Variants in PRKX observed in about 807,000 individuals in gnomAD.
PRKX encodes protein kinase cAMP-dependent X-linked catalytic subunit.
PRKX carries 12 observed loss-of-function variants against 22.0 expected under a neutral mutation model. The observed-to-expected ratio is 0.54, with a 90% CI of 0.35 to 0.88. The LOEUF (loss-of-function observed/expected upper bound fraction) is 0.88. Among genes scored for constraint, PRKX ranks in the 40% least tolerant of loss-of-function variants. The probability of loss-of-function intolerance (pLI) is 0.01; values close to 1 mark genes in which losing one functional copy is unlikely to be tolerated. For missense variants in PRKX, 217 were observed against 308.0 expected (o/e 0.70, Z 2.21); for synonymous variants, 134 against 137.7 (o/e 0.97, Z 0.19).
rs769648452 is a variant in PRKX, at chrX:3,650,317, C to T, written c.599+4832G>A. Reference sequence around the variant, plus strand: ...CGGGCGGATCACGAGGTCAGGAGATCGAGACCATCCTGGCTAACACAGTGA... The same window carrying T: ...CGGGCGGATCACGAGGTCAGGAGATTGAGACCATCCTGGCTAACACAGTGA... On this transcript the variant is annotated intron_variant, in intron 3 of 8. Coordinates refer to ENST00000262848, the MANE Select transcript of PRKX (RefSeq NM_005044.5). Among the ~76,000 whole-genome samples the T allele has an allele frequency of 3.5e-4, 35 of 101,217 alleles. No individual in the cohort carries two copies. The East Asian group carries it at 7.8e-3, about 23-fold the overall frequency. The allele number at this position is 101,217 out of a possible 115,157, so 87.9% of individuals were successfully genotyped here.
chrX:3,656,439 T>C (rs1927482325), intron 2 of PRKX, among the ~76,000 whole-genome samples: 1 of 111,770 alleles, frequency 8.9e-6, no homozygotes, highest in Non-Finnish European at 1.9e-5. Flanking sequence ...GATATGGGTA[T>C]AGACGTGTAG....
chrX:3,635,658 G>T (rs2146568600), intron 4 of PRKX, among the ~76,000 whole-genome samples: 1 of 111,350 alleles, frequency 9.0e-6, no homozygotes, highest in Non-Finnish European at 1.9e-5. Context: ...TGCAATCTCA[G>T]CTCACTGCAG....
chrX:3,684,341 C>G (rs1928133479), intron 1 of PRKX, among the ~76,000 whole-genome samples: 1 of 111,840 alleles, frequency 8.9e-6, no homozygotes, highest in Non-Finnish European at 1.9e-5. Context: ...CTTTCTGGGT[C>G]TCAATCTTTC....
chrX:3,688,432 C>T (rs758787376), intron 1 of PRKX, among the ~76,000 whole-genome samples: 2 of 102,991 alleles, frequency 1.9e-5, no homozygotes, highest in African/African-American at 6.9e-5. Context: ...GGCGACAGAG[C>T]GAGACTCTGT....
intron 7 of PRKX, among the ~76,000 whole-genome samples, chrX:3,614,369 A>C (rs1397639331): frequency 9.0e-6 from 1 of 111,692 alleles, no homozygotes; most frequent in East Asian, 2.8e-4. Context: ...GGCGTCTGTA[A>C]TCCCAGCTAC....
At chrX:3,658,684 A>G (rs111508184) in intron 2 of PRKX, among the ~76,000 whole-genome samples, 1 of 111,058 alleles carries the variant, frequency 9.0e-6, no homozygotes, top group African/African-American at 3.3e-5. Context: ...CAATAGAATC[A>G]GGAGCATAAA....
chrX:3,692,308 C>G (rs1034526292), intron 1 of PRKX, among the ~76,000 whole-genome samples: 1 of 110,370 alleles, frequency 9.1e-6, no homozygotes, highest in Non-Finnish European at 1.9e-5. Context: ...GCATCCACCC[C>G]CAGTAGTGAC....
At chrX:3,679,039 G>A (rs1395077383) in intron 1 of PRKX, among the ~76,000 whole-genome samples, 1 of 111,741 alleles carries the variant, frequency 8.9e-6, no homozygotes, top group Non-Finnish European at 1.9e-5. Context: ...TTATGCACGA[G>A]GGAAATCAGA....
At chrX:3,645,470 G>A (rs1252213490) in intron 3 of PRKX, among the ~76,000 whole-genome samples, 1 of 112,133 alleles carries the variant, frequency 8.9e-6, no homozygotes, top group Non-Finnish European at 1.9e-5. Flanking sequence ...CACGATCTTT[G>A]TAGCTGCAAT....
Position 3,713,618 on chromosome X carries a change from G to C in PRKX, c.-365C>G, listed in dbSNP as rs1486876958. 8.1e-6 allele frequency: 1 copy of C among 123,824 alleles called. No homozygotes were observed. The highest frequency in any genetic ancestry group is 3.2e-5 in the African/African-American group (1 of 31,446). 10.2% of individuals were successfully genotyped at this position (123,824 alleles called of 1,213,427 possible). ...CCGCCTCCTCCAGCTCGGTAGCCGC[G>C]TGCGCGCTGTTGGGGCGGGCGGAAG... On this transcript the variant is annotated 5_prime_UTR_variant, in exon 1 of 9. Coordinates refer to ENST00000262848, the MANE Select transcript of PRKX (RefSeq NM_005044.5).
At chrX:3,632,845 T>C (rs1354751973) in intron 4 of PRKX, among the ~76,000 whole-genome samples, 1 of 112,431 alleles carries the variant, frequency 8.9e-6, no homozygotes, top group African/African-American at 3.2e-5. Flanking sequence ...GCAAGTTAAA[T>C]TGATCTGTGG....
intron 1 of PRKX, among the ~76,000 whole-genome samples, chrX:3,676,217 A>C (rs1927951411): frequency 8.9e-6 from 1 of 111,964 alleles, no homozygotes; most frequent in South Asian, 3.7e-4. Context: ...ATGTGATCAC[A>C]CCCACCCCAA....
chrX:3,713,220 C>T lies in PRKX; in HGVS notation c.34G>A (p.Ala12Thr), dbSNP rs1188904999. ...GCCACCTTGCGGGAGTCGCTCTCCGCCGCGGCCGCCTGGGCCAGCCCGGGC... is the reference window on the plus strand; with the variant it reads ...GCCACCTTGCGGGAGTCGCTCTCCGTCGCGGCCGCCTGGGCCAGCCCGGGC... ...EAPGLAQAAA[A>T]ESDSRKVAEE... The change falls in exon 1 of 9, where the codon GCG becomes ACG. Residue 12 changes from alanine (A) to threonine (T), a missense_variant. By Grantham distance (58) the Ala-to-Thr change is moderately conservative. Transcript: ENST00000262848. 4.7e-6 allele frequency: 5 copies of T among 1,069,086 alleles called. No individual in the cohort carries two copies. Among genetic ancestry groups the T allele is most frequent in the Non-Finnish European group, 6.0e-6 (5 of 836,669 alleles). The allele number at this position is 1,069,086 out of a possible 1,213,427, so 88.1% of individuals were successfully genotyped here. A position where few individuals can be genotyped will look rare whatever the true frequency, so the allele number is the denominator to read the frequency against.
At chrX:3,657,468 G>A (rs943780163) in intron 2 of PRKX, among the ~76,000 whole-genome samples, 1 of 111,446 alleles carries the variant, frequency 9.0e-6, no homozygotes, top group African/African-American at 3.3e-5. Flanking sequence ...CTGTTAAGAC[G>A]TTCTTCTCAA....
intron 6 of PRKX, among the ~76,000 whole-genome samples, chrX:3,618,493 C>T (rs926239391): frequency 1.1e-4 from 12 of 110,719 alleles, no homozygotes; most frequent in Non-Finnish European, 1.5e-4. Context: ...GTTCTCACCA[C>T]AAATAAATGG....
chrX:3,635,448 C>T (rs1044075315), intron 4 of PRKX, among the ~76,000 whole-genome samples: 1 of 112,008 alleles, frequency 8.9e-6, no homozygotes, highest in African/African-American at 3.2e-5. Flanking sequence ...ACTTCGGGAA[C>T]CCCATAGTCC....
At chrX:3,632,129 G>A (rs1926796614) in intron 4 of PRKX, among the ~76,000 whole-genome samples, 1 of 112,116 alleles carries the variant, frequency 8.9e-6, no homozygotes, top group South Asian at 3.7e-4. Context: ...ATGATTAGGT[G>A]CGTGCGACGT....
intron 1 of PRKX, among the ~76,000 whole-genome samples, chrX:3,678,969 A>C (rs1483080473): frequency 9.0e-6 from 1 of 111,642 alleles, no homozygotes; most frequent in Admixed American, 9.5e-5. Flanking sequence ...TCTTGAAGGT[A>C]AGTGGTCCAT....
chrX:3,712,879 G>C (rs1458200145), intron 1 of PRKX, among the ~76,000 whole-genome samples: 2 of 112,704 alleles, frequency 1.8e-5, no homozygotes, highest in South Asian at 3.7e-4. Flanking sequence ...CGGCCGGTCG[G>C]GGGTACTTGC....
Sources: allele counts gnomAD v4.1 joint callset (sites outside exome capture counted in the v4.1 genomes callset), GRCh38; gene constraint gnomAD v4.1.1; transcripts MANE v1.5; gene names NCBI Gene and HGNC (gene_info 2026-07-23, HGNC 2026-07-21).